The following TM9SF3 variants were observed in gnomAD, a reference collection of about 807,000 sequenced individuals.
TM9SF3 encodes SM-11044-binding protein.
In TM9SF3, 14 loss-of-function variants were observed where a neutral mutation model predicts 78.6. The ratio of observed to expected loss-of-function variants is 0.18; its 90% CI spans 0.12 to 0.28. TM9SF3 has a LOEUF of 0.28. Ranked by LOEUF, TM9SF3 falls within the 10% of genes least tolerant of loss-of-function variation. The pLI is 1.00. For synonymous variants in TM9SF3, 231 were observed against 241.7 expected (o/e 0.96, Z 0.41); for missense variants, 496 against 721.9 (o/e 0.69, Z 3.59).
At chr10:96,539,367 A>AT (rs1009180950) in intron 9 of TM9SF3, among the ~76,000 whole-genome samples, 2 of 146,704 alleles carry the variant, frequency 1.4e-5, no homozygotes, top group African/African-American at 2.6e-5. Flanking sequence ...CAAAAAAAAA[A>AT]TTTTTTTAAT....
chr10:96,551,421 AAT>A lies in TM9SF3; in HGVS notation c.793-12_793-11del. Reference sequence around the variant, plus strand: ...CTCCTAGGTCTCTATCCTATATACAAATATATATATAGAGAGAGAAAAGCAAA... The same window carrying A: ...CTCCTAGGTCTCTATCCTATATACAAATATATATAGAGAGAGAAAAGCAAA... On this transcript the variant is annotated splice_polypyrimidine_tract_variant and intron_variant, in intron 6 of 14. Coordinates refer to ENST00000371142, the MANE Select transcript of TM9SF3 (RefSeq NM_020123.4). 28 of 1,516,028 alleles carry A rather than the reference AAT, an allele frequency of 1.8e-5. No individual in the cohort carries two copies. The highest frequency in any genetic ancestry group is 1.0e-4 in the South Asian group (8 of 79,038). 93.9% of individuals were successfully genotyped at this position (1,516,028 alleles called of 1,614,324 possible).
chr10:96,570,871 G>A (rs529453667), intron 2 of TM9SF3, among the ~76,000 whole-genome samples: 11 of 152,098 alleles, frequency 7.2e-5, no homozygotes, highest in Admixed American at 2.6e-4. Context: ...TCGGCTTCCC[G>A]GGTAGCTGGG....
intron 14 of TM9SF3, 69 bp from the exon 15 acceptor site, chr10:96,522,399 A>C: frequency 8.2e-7 from 1 of 1,214,804 alleles, no homozygotes; most frequent in African/African-American, 1.6e-5. Context: ...TAAAAACACT[A>C]AATACTCTAT....
chr10:96,538,377 T>A (rs1359320335), intron 9 of TM9SF3, among the ~76,000 whole-genome samples: 5 of 152,016 alleles, frequency 3.3e-5, no homozygotes, highest in African/African-American at 1.2e-4. Flanking sequence ...ATATATAAAA[T>A]TGGCCAAAAA....
intron 5 of TM9SF3, among the ~76,000 whole-genome samples, chr10:96,553,910 G>C (rs2134145361): frequency 6.6e-6 from 1 of 152,272 alleles, no homozygotes; most frequent in South Asian, 2.1e-4. Context: ...ATTCCCAAAA[G>C]ATCTTTAGGG....
intron 5 of TM9SF3, among the ~76,000 whole-genome samples, chr10:96,559,330 T>C (rs1291923874): frequency 6.6e-6 from 1 of 152,210 alleles, no homozygotes; most frequent in Non-Finnish European, 1.5e-5. Context: ...TCTCCAATAT[T>C]CACCTCATTA....
At chr10:96,554,292 C>G (rs1848208544) in intron 5 of TM9SF3, among the ~76,000 whole-genome samples, 1 of 152,050 alleles carries the variant, frequency 6.6e-6, no homozygotes, top group Non-Finnish European at 1.5e-5. Context: ...ATCTTCTCAC[C>G]TCCCGATCCT....
intron 9 of TM9SF3, among the ~76,000 whole-genome samples, chr10:96,539,900 C>T (rs936320082): frequency 9.9e-5 from 15 of 152,160 alleles, no homozygotes; most frequent in African/African-American, 2.9e-4. Flanking sequence ...TCTTGGTTTT[C>T]TGTTCTGTAA....
At chr10:96,550,593 G>A (rs1848156938) in intron 7 of TM9SF3, among the ~76,000 whole-genome samples, 1 of 152,162 alleles carries the variant, frequency 6.6e-6, no homozygotes, top group Admixed American at 6.5e-5. Context: ...TGGCTTTCTT[G>A]AGCACTGAAT....
rs1224637710 is a variant in TM9SF3 at position 96,518,856 on chromosome 10, A to G, written c.*3407T>C. The G allele has an allele frequency of 7.5e-6, 1 of 133,564 alleles. No individual in the cohort carries two copies. Among genetic ancestry groups the G allele is most frequent in the Non-Finnish European group, 1.7e-5 (1 of 60,122 alleles). 8.3% of individuals were successfully genotyped at this position (133,564 alleles called of 1,614,324 possible). ...ATATAACACCTTGATTGATAGTTTC[A>G]TAACTATAGAATTTTAGTGAAGATA... On this transcript the variant is annotated 3_prime_UTR_variant, in exon 15 of 15. Coordinates refer to ENST00000371142, the MANE Select transcript of TM9SF3 (RefSeq NM_020123.4).
At position 96,520,556 on chromosome 10, in the gene TM9SF3, C is replaced by G. The variant is rs1258772681; in HGVS notation, c.*1707G>C. The G allele has an allele frequency of 4.0e-6, 1 of 250,400 alleles. No homozygotes were observed. The highest frequency in any genetic ancestry group is 5.6e-5 in the Admixed American group (1 of 17,974). 15.5% of individuals were successfully genotyped at this position (250,400 alleles called of 1,614,324 possible). ...GTGTTTTGAGTCTTTCTAAAAATAACAATATAAAGTATTGTTTTAGGTGGT... is the reference window on the plus strand; with the variant it reads ...GTGTTTTGAGTCTTTCTAAAAATAAGAATATAAAGTATTGTTTTAGGTGGT... On this transcript the variant is annotated 3_prime_UTR_variant, in exon 15 of 15. Transcript: ENST00000371142.
chr10:96,550,443 T>A (rs1211434597), intron 7 of TM9SF3, among the ~76,000 whole-genome samples: 3 of 152,022 alleles, frequency 2.0e-5, no homozygotes, highest in Non-Finnish European at 1.5e-5. Flanking sequence ...AAGAGTGCAT[T>A]ATGAACTAAA....
At position 96,552,996 on chromosome 10, in the gene TM9SF3, T is replaced by C. The variant is rs1448803578; in HGVS notation, c.724A>G (p.Met242Val). ...MVIFLVGLVS[M>V]ILMRTLRKDY... Reference sequence around the variant, plus strand: ...TTTCTTAATGTTCTCATTAAAATCATTGAAACTAAGCCCACCAAGAAGATC... The same window carrying C: ...TTTCTTAATGTTCTCATTAAAATCACTGAAACTAAGCCCACCAAGAAGATC... The change falls in exon 6 of 15, where the codon ATG becomes GTG. Residue 242 changes from methionine (M) to valine (V), a missense_variant. Coordinates refer to ENST00000371142, the MANE Select transcript of TM9SF3 (RefSeq NM_020123.4). 3.7e-6 allele frequency: 6 copies of C among 1,609,146 alleles called. No individual in the cohort carries two copies. Among genetic ancestry groups the C allele is most frequent in the South Asian group, 1.1e-5 (1 of 90,536 alleles).
intron 8 of TM9SF3, 56 bp downstream of exon 8, chr10:96,547,839 A>G: frequency 4.2e-6 from 6 of 1,440,400 alleles, no homozygotes; most frequent in Non-Finnish European, 5.8e-6. Context: ...AAAAAATCTC[A>G]TAGTAAAATA....
chr10:96,574,115 C>T (rs758480151), intron 2 of TM9SF3, among the ~76,000 whole-genome samples: 1 of 152,138 alleles, frequency 6.6e-6, no homozygotes, highest in Non-Finnish European at 1.5e-5. Context: ...GCAAAAGAAA[C>T]TACCATCAAA....
intron 14 of TM9SF3, among the ~76,000 whole-genome samples, chr10:96,525,444 T>C (rs558713735): frequency 1.3e-5 from 2 of 152,198 alleles, no homozygotes; most frequent in Middle Eastern, 6.8e-3. Flanking sequence ...CAATCTCATT[T>C]GTGTGTGCGC....
intron 8 of TM9SF3, among the ~76,000 whole-genome samples, chr10:96,547,056 T>G (rs1848109920): frequency 6.6e-6 from 1 of 152,214 alleles, no homozygotes; most frequent in Non-Finnish European, 1.5e-5. Context: ...TGTTATTAGT[T>G]CCATCAATTT....
chr10:96,578,226 A>G lies in TM9SF3; in HGVS notation c.103-1397T>C, dbSNP rs570963020. ...AGACAACAGCCAGGTCATTAAGGAA[A>G]TAACAAATGATCTCACCTTTTGAAC... On this transcript the variant is annotated intron_variant, in intron 1 of 14. Transcript: ENST00000371142. Among the ~76,000 whole-genome samples, 33 of 152,390 alleles carry G rather than the reference A, an allele frequency of 2.2e-4. 1 individual carries two copies. The South Asian group carries it at 6.8e-3, about 32-fold the overall frequency.
intron 2 of TM9SF3, among the ~76,000 whole-genome samples, chr10:96,570,325 A>G (rs1240189230): frequency 6.6e-6 from 1 of 152,252 alleles, no homozygotes; most frequent in Non-Finnish European, 1.5e-5. Flanking sequence ...GAAGGACTGA[A>G]GAAAATACAA....
Sources: allele counts gnomAD v4.1 joint callset (sites outside exome capture counted in the v4.1 genomes callset), GRCh38; gene constraint gnomAD v4.1.1; transcripts MANE v1.5; gene names NCBI Gene and HGNC (gene_info 2026-07-23, HGNC 2026-07-21).